SELENOK: variants seen among roughly 807,000 people sequenced by gnomAD.
The protein encoded by SELENOK is selenoprotein K.
A neutral mutation model predicts 17.3 loss-of-function variants in SELENOK; 11 were observed. That is an observed-to-expected ratio of 0.63 (90% CI 0.40 to 1.05). The LOEUF (loss-of-function observed/expected upper bound fraction) is 1.05, where lower values mean the gene tolerates loss of function less well. Ranked by LOEUF, SELENOK falls within the 50% of genes least tolerant of loss-of-function variation. The probability of loss-of-function intolerance (pLI) is 0.00; values close to 1 mark genes in which losing one functional copy is unlikely to be tolerated. For synonymous variants in SELENOK, 45 were observed against 35.4 expected (o/e 1.27, Z -0.97); for missense variants, 125 against 113.9 (o/e 1.10, Z -0.44).
rs778750581 is a variant in SELENOK, at chr3:53,885,532, G to A, written c.*26C>T. ...CCTTCTGCTATGAATGCGCATGTCCGGTTGTCTGCTTCTTAGAGCAGACAT... is the reference window on the plus strand; with the variant it reads ...CCTTCTGCTATGAATGCGCATGTCCAGTTGTCTGCTTCTTAGAGCAGACAT... On this transcript the variant is annotated 3_prime_UTR_variant, in exon 5 of 5. Coordinates refer to ENST00000495461, the MANE Select transcript of SELENOK (RefSeq NM_021237.5). 3.1e-5 allele frequency: 49 copies of A among 1,606,046 alleles called. No homozygotes were observed. Among genetic ancestry groups the A allele is most frequent in the Middle Eastern group, 1.7e-4 (1 of 5,912 alleles).
chr3:53,885,660 A>G, intron 4 of SELENOK, 99 bp from the exon 5 acceptor site: 1 of 1,344,198 alleles, frequency 7.4e-7, no homozygotes, highest in East Asian at 2.3e-5. Context: ...CTCAAAAGAC[A>G]TTTTGATAAC....
chr3:53,891,674 C>A, intron 1 of SELENOK, 96 bp downstream of exon 1: 4 of 1,505,980 alleles, frequency 2.7e-6, no homozygotes, highest in Non-Finnish European at 3.7e-6. Context: ...CCGGGGAAGC[C>A]GCACCGGGCT....
chr3:53,890,807 G>A (rs979606130), intron 1 of SELENOK: 1 of 152,226 alleles, frequency 6.6e-6, no homozygotes, highest in Non-Finnish European at 1.5e-5. Flanking sequence ...CAGTCAGCCA[G>A]AAGGCTCCTC....
intron 2 of SELENOK, 114 bp downstream of exon 2, chr3:53,888,279 C>T (rs967545280): frequency 1.4e-6 from 1 of 697,006 alleles, no homozygotes; most frequent in African/African-American, 1.8e-5. Context: ...TTTTAAATTG[C>T]AATAGAAAAC....
intron 1 of SELENOK, chr3:53,890,994 ATCT>A (rs1479972605): frequency 1.3e-5 from 2 of 151,834 alleles, no homozygotes; most frequent in Non-Finnish European, 3.0e-5. Flanking sequence ...CTTTCCGGTC[ATCT>A]TCTTTGTGGG....
At position 53,885,861 on chromosome 3, in the gene SELENOK, G is replaced by A. The variant is rs1349684962; in HGVS notation, c.246C>T (p.Gly82=). ...CACCAGCCATTGGAGGGGGACTAGG[G>A]CCACGCAGATGATTGATTCTACCCA... is the stretch of plus-strand genomic sequence containing the variant. ...RRMGRINHLR[G]PSPPPMAGGU... Residue 82 remains glycine, a synonymous_variant, in exon 4 of 5, where the codon GGC becomes GGT. Coordinates refer to ENST00000495461, the MANE Select transcript of SELENOK (RefSeq NM_021237.5). The A allele has an allele frequency of 4.4e-6, 7 of 1,581,732 alleles. No individual in the cohort carries two copies. In the South Asian group the frequency reaches 5.9e-5, roughly 13 times the overall value.
Position 53,885,111 on chromosome 3 carries a change from ATAC to A in SELENOK, c.*444_*446del, listed in dbSNP as rs988388728. On this transcript the variant is annotated 3_prime_UTR_variant, in exon 5 of 5. Transcript: ENST00000495461. ...ATTCAAGAGCACAGATATGCTATGC[ATAC>A]TACTAAAATAAATACAGTGATTTAT... is the stretch of plus-strand genomic sequence containing the variant. 1.9e-5 allele frequency: 3 copies of A among 153,910 alleles called. No homozygotes were observed. The highest frequency in any genetic ancestry group is 7.2e-5 in the African/African-American group (3 of 41,506). The allele number at this position is 153,910 out of a possible 1,614,324, so 9.5% of individuals were successfully genotyped here.
chr3:53,886,778 C>A, intron 3 of SELENOK, 73 bp downstream of exon 3: 1 of 863,876 alleles, frequency 1.2e-6, no homozygotes, highest in South Asian at 2.3e-5. Context: ...AAGTCTAACT[C>A]TATCTACCTA....
In SELENOK at chr3:53,891,855, T is replaced by G. The variant is rs6785058; in HGVS notation, c.-67A>C. On this transcript the variant is annotated 5_prime_UTR_variant, in exon 1 of 5. Coordinates refer to ENST00000495461, the MANE Select transcript of SELENOK (RefSeq NM_021237.5). The stretch of plus-strand genomic sequence containing the variant: ...CCCTGTCGGTTTCTGTATCTCCCTC[T>G]GCTCCCCGCCCTTCGAGCGTCACAG... 3,839 of 1,560,534 alleles carry G rather than the reference T, an allele frequency of 2.5e-3. 42 individuals carry two copies. The African/African-American group carries it at 0.029, about 12-fold the overall frequency.
Position 53,885,505 on chromosome 3 carries a change from T to C in SELENOK, c.*53A>G, listed in dbSNP as rs972066311. 162 of 1,587,032 alleles carry C rather than the reference T, an allele frequency of 1.0e-4. No homozygotes were observed. Among genetic ancestry groups the C allele is most frequent in the Non-Finnish European group, 1.4e-4 (158 of 1,163,324 alleles). On this transcript the variant is annotated 3_prime_UTR_variant, in exon 5 of 5. Coordinates refer to ENST00000495461, the MANE Select transcript of SELENOK (RefSeq NM_021237.5). ...GGTCAGCCTTCCACTTCTTGATGGT[T>C]TCCTTCTGCTATGAATGCGCATGTC...
Position 53,884,473 on chromosome 3 carries a change from T to C in SELENOK, c.*1085A>G, listed in dbSNP as rs1280099724. 5 of 152,226 alleles carry C rather than the reference T, an allele frequency of 3.3e-5. No homozygotes were observed. The highest frequency in any genetic ancestry group is 6.5e-5 in the Admixed American group (1 of 15,290). The allele number at this position is 152,226 out of a possible 1,614,324, so 9.4% of individuals were successfully genotyped here. On this transcript the variant is annotated 3_prime_UTR_variant, in exon 5 of 5. Transcript: ENST00000495461. ...ATAAATACTACATGACTATCTTACA[T>C]GTAGTCACTATTCAAAGGACTGGGG...
chr3:53,886,038 T>C (rs1386203919), intron 3 of SELENOK, 126 bp from the exon 4 acceptor site: 3 of 621,622 alleles, frequency 4.8e-6, no homozygotes, highest in African/African-American at 1.9e-5. Context: ...CAATTTAAAA[T>C]AGAAACTACC....
At chr3:53,888,230 A>G (rs2304576) in intron 2 of SELENOK, 163 bp downstream of exon 2, 192,301 of 564,386 alleles carry the variant, frequency 0.34, 34,929 homozygotes, top group East Asian at 0.63. Flanking sequence ...GGTGGTAGCA[A>G]CTTTATCACT....
At chr3:53,886,011 C>T in intron 3 of SELENOK, 99 bp from the exon 4 acceptor site, 4 of 765,678 alleles carry the variant, frequency 5.2e-6, no homozygotes, top group East Asian at 3.0e-5. Flanking sequence ...TTTCAGCACC[C>T]ACATGACCCT....
At chr3:53,886,386 A>G (rs1049344719) in intron 3 of SELENOK, among the ~76,000 whole-genome samples, 1 of 152,034 alleles carries the variant, frequency 6.6e-6, no homozygotes, top group Non-Finnish European at 1.5e-5. Context: ...ACAGGCGCAT[A>G]CCACCACACC....
intron 1 of SELENOK, among the ~76,000 whole-genome samples, chr3:53,889,800 A>G (rs1360342041): frequency 6.6e-6 from 1 of 152,202 alleles, no homozygotes; most frequent in African/African-American, 2.4e-5. Flanking sequence ...TCTAAGTACT[A>G]AAGAGAATTT....
At chr3:53,888,670 C>G (rs1470791235) in intron 1 of SELENOK, among the ~76,000 whole-genome samples, 187 bp from the exon 2 acceptor site, 4 of 152,230 alleles carry the variant, frequency 2.6e-5, no homozygotes, top group Non-Finnish European at 5.9e-5. Flanking sequence ...GTTCCATTAT[C>G]TAGGGACATT....
At chr3:53,886,015 T>G in intron 3 of SELENOK, 103 bp from the exon 4 acceptor site, 1 of 753,776 alleles carries the variant, frequency 1.3e-6, no homozygotes. Context: ...AGCACCCACA[T>G]GACCCTAAAA....
At chr3:53,888,541 C>T (rs1456981465) in intron 1 of SELENOK, 58 bp from the exon 2 acceptor site, 3 of 1,163,362 alleles carry the variant, frequency 2.6e-6, no homozygotes, top group Non-Finnish European at 3.8e-6. Context: ...ACCCAAGAGG[C>T]ATCACATTTA....
Sources: allele counts gnomAD v4.1 joint callset (sites outside exome capture counted in the v4.1 genomes callset), GRCh38; gene constraint gnomAD v4.1.1; transcripts MANE v1.5; gene names NCBI Gene and HGNC (gene_info 2026-07-23, HGNC 2026-07-21).